The following CSMD1 variants were observed in gnomAD, a reference collection of about 807,000 sequenced individuals.
The protein encoded by CSMD1 is CUB and Sushi multiple domains 1, also known as CUB and sushi domain-containing protein 1.
CSMD1 carries 213 observed loss-of-function variants against 417.5 expected under a neutral mutation model. That is an observed-to-expected ratio of 0.51 (90% CI 0.46 to 0.57). The LOEUF (loss-of-function observed/expected upper bound fraction) is 0.57. Among genes scored for constraint, CSMD1 ranks in the 20% least tolerant of loss-of-function variants. CSMD1 has a pLI of 0.00. For missense variants in CSMD1, 6,923 were observed against 4,529.7 expected (o/e 1.53, Z -15.17); for synonymous variants, 2,862 against 1,736.8 (o/e 1.65, Z -16.11).
chr8:3,936,375 T>G (rs995782308), intron 5 of CSMD1, among the ~76,000 whole-genome samples: 1 of 152,124 alleles, frequency 6.6e-6, no homozygotes, highest in Non-Finnish European at 1.5e-5. Flanking sequence ...AGGATTTTCA[T>G]AGCTAGAGAA....
At chr8:4,667,429 A>G (rs116406709) in intron 1 of CSMD1, among the ~76,000 whole-genome samples, 2 of 151,408 alleles carry the variant, frequency 1.3e-5, no homozygotes, top group Admixed American at 1.3e-4. Flanking sequence ...TTGAATCCAG[A>G]GAACAATTTA....
chr8:3,138,300 G>T (rs1818226923), intron 41 of CSMD1, among the ~76,000 whole-genome samples: 1 of 152,150 alleles, frequency 6.6e-6, no homozygotes, highest in African/African-American at 2.4e-5. Flanking sequence ...GGTTGGGATG[G>T]CAGGGAACTC....
At chr8:3,863,394 T>G (rs1804857592) in intron 5 of CSMD1, among the ~76,000 whole-genome samples, 1 of 87,198 alleles carries the variant, frequency 1.1e-5, no homozygotes, top group Non-Finnish European at 2.1e-5. Flanking sequence ...GATACTCTGC[T>G]CAAAAAAAAA....
chr8:4,576,709 T>C (rs1424832766), intron 2 of CSMD1, among the ~76,000 whole-genome samples: 2 of 152,158 alleles, frequency 1.3e-5, no homozygotes, highest in East Asian at 1.9e-4. Flanking sequence ...AGTCTGATAA[T>C]CTCTTTCTAA....
intron 3 of CSMD1, among the ~76,000 whole-genome samples, chr8:4,362,339 C>A (rs575766735): frequency 4.7e-4 from 71 of 152,114 alleles, no homozygotes; most frequent in Non-Finnish European, 8.5e-4. Context: ...ACCTTGAGAC[C>A]CCAAGCTCAT....
At chr8:4,408,338 G>A (rs1380373485) in intron 3 of CSMD1, among the ~76,000 whole-genome samples, 1 of 152,178 alleles carries the variant, frequency 6.6e-6, no homozygotes, top group African/African-American at 2.4e-5. Context: ...AACAAACTGG[G>A]AAGCTGTCTG....
chr8:4,373,035 C>A (rs1380343293), intron 3 of CSMD1, among the ~76,000 whole-genome samples: 1 of 152,192 alleles, frequency 6.6e-6, no homozygotes, highest in African/African-American at 2.4e-5. Flanking sequence ...TTCGGGCTCA[C>A]AGTGTATAAC....
intron 3 of CSMD1, among the ~76,000 whole-genome samples, chr8:4,369,616 A>T (rs1802286260): frequency 1.3e-5 from 2 of 152,184 alleles, no homozygotes; most frequent in African/African-American, 2.4e-5. Flanking sequence ...TATGACTATG[A>T]GTGCTCCCAC....
chr8:3,774,306 C>G (rs551257718), intron 5 of CSMD1, among the ~76,000 whole-genome samples: 19 of 152,218 alleles, frequency 1.2e-4, no homozygotes, highest in Admixed American at 1.0e-3. Flanking sequence ...CCCAGAGCAT[C>G]TGGGTTTCAG....
chr8:3,418,919 A>G (rs1451667416), intron 12 of CSMD1, among the ~76,000 whole-genome samples: 1 of 152,258 alleles, frequency 6.6e-6, no homozygotes, highest in Non-Finnish European at 1.5e-5. Flanking sequence ...AGCACCTCAG[A>G]ATACATGAAA....
chr8:3,166,022 T>C (rs543653326), intron 37 of CSMD1, among the ~76,000 whole-genome samples: 20 of 152,232 alleles, frequency 1.3e-4, no homozygotes, highest in African/African-American at 4.3e-4. Flanking sequence ...AATTAGACTA[T>C]TTATATTTAT....
intron 3 of CSMD1, among the ~76,000 whole-genome samples, chr8:4,128,258 T>C (rs1802883842): frequency 1.3e-5 from 2 of 152,022 alleles, no homozygotes; most frequent in South Asian, 4.1e-4. Flanking sequence ...TGCAATCCCG[T>C]GGAGGAATGC....
intron 3 of CSMD1, among the ~76,000 whole-genome samples, chr8:4,197,301 G>A (rs1190381245): frequency 2.0e-5 from 3 of 152,166 alleles, no homozygotes; most frequent in Non-Finnish European, 4.4e-5. Context: ...ATTATGATGG[G>A]TAATGTTATA....
In CSMD1 at chr8:3,805,360, A is replaced by G. The variant is rs141648392; in HGVS notation, c.819-51318T>C. On this transcript the variant is annotated intron_variant, in intron 5 of 69. Coordinates refer to ENST00000635120, the MANE Select transcript of CSMD1 (RefSeq NM_033225.6). ...ACTTTTTCCAGGATACCAGAATTAC[A>G]AAGAGAGGAGCCACAAGTTACCCCT... Among the ~76,000 whole-genome samples, 1,222 of 152,264 alleles carry G rather than the reference A, an allele frequency of 8.0e-3. 17 individuals are homozygous for G. Among genetic ancestry groups the G allele is most frequent in the African/African-American group, 0.028 (1,166 of 41,558 alleles).
intron 2 of CSMD1, among the ~76,000 whole-genome samples, chr8:4,439,889 C>T (rs1438204): frequency 2.6e-5 from 4 of 152,102 alleles, no homozygotes; most frequent in Non-Finnish European, 5.9e-5. Flanking sequence ...AAAAGAGAAT[C>T]AACTACACAA....
chr8:4,496,947 C>A (rs1802007858), intron 2 of CSMD1, among the ~76,000 whole-genome samples: 1 of 152,088 alleles, frequency 6.6e-6, no homozygotes, highest in African/African-American at 2.4e-5. Flanking sequence ...CTGGAGGAAG[C>A]AAACTAATAG....
chr8:4,532,822 C>A (rs930591517), intron 2 of CSMD1, among the ~76,000 whole-genome samples: 1 of 150,694 alleles, frequency 6.6e-6, no homozygotes, highest in Non-Finnish European at 1.5e-5. Context: ...AATCCTGCAC[C>A]CGCATTCAGT....
In CSMD1 at chr8:3,399,473, G is replaced by T; in HGVS notation, c.2323C>A (p.Pro775Thr). 1 of 1,609,300 alleles carries T rather than the reference G, an allele frequency of 6.2e-7. No individual in the cohort carries two copies. The highest frequency in any genetic ancestry group is 8.5e-7 in the Non-Finnish European group (1 of 1,177,666). The part of the protein sequence containing the change: ...SSGVILPPGW[P>T]GYYKDSLHCE... ...TGTAAAGAATCCTTATAATATCCTG[G>T]CCATCCAGGAGGCAAAATGACTCCG... is the stretch of plus-strand genomic sequence containing the variant. Residue 775 changes from proline to threonine, a missense_variant, in exon 16 of 70, where the codon CCA (proline) becomes ACA (threonine). Transcript: ENST00000635120.
At chr8:3,329,338 A>G (rs570286724) in intron 23 of CSMD1, among the ~76,000 whole-genome samples, 53 of 152,140 alleles carry the variant, frequency 3.5e-4, no homozygotes, top group African/African-American at 1.0e-3. Flanking sequence ...ATCATGACCC[A>G]TTTGCAGCGT....
Sources: allele counts gnomAD v4.1 joint callset (sites outside exome capture counted in the v4.1 genomes callset), GRCh38; gene constraint gnomAD v4.1.1; transcripts MANE v1.5; gene names NCBI Gene and HGNC (gene_info 2026-07-23, HGNC 2026-07-21).